NCOR2: variants seen among roughly 807,000 people sequenced by gnomAD.
The protein encoded by NCOR2 is nuclear receptor corepressor 2.
In NCOR2, 81 loss-of-function variants were observed where a neutral mutation model predicts 262.9. That is an observed-to-expected ratio of 0.31 (90% confidence interval 0.26 to 0.37). The LOEUF is 0.37. Among genes scored for constraint, NCOR2 ranks in the 10% least tolerant of loss-of-function variants. The pLI is 1.00. For synonymous variants in NCOR2, 1,659 were observed against 1,559.3 expected (o/e 1.06, Z -1.51); for missense variants, 3,385 against 3,621.4 (o/e 0.93, Z 1.68).
chr12:124,408,147 A>G lies in NCOR2; in HGVS notation c.1483-5586T>C, dbSNP rs1384779230. Reference sequence around the variant, plus strand: ...AGGCCGGCGGATCATGAGGTCAGGAAATCGAGACCATCCTGGCTAACACGG... The same window carrying G: ...AGGCCGGCGGATCATGAGGTCAGGAGATCGAGACCATCCTGGCTAACACGG... On this transcript the variant is annotated intron_variant, in intron 13 of 46. Coordinates refer to ENST00000405201, the Ensembl canonical transcript of NCOR2. 2.0e-5 allele frequency among the ~76,000 whole-genome samples: 3 copies of G among 152,024 alleles called. No individual in the cohort carries two copies. The East Asian group carries it at 5.8e-4, about 29-fold the overall frequency.
intron 4 of NCOR2, among the ~76,000 whole-genome samples, chr12:124,467,871 A>C (rs1283940763): frequency 2.1e-5 from 1 of 46,974 alleles, no homozygotes. Context: ...CATCACCCCC[A>C]TCACCCTCAT....
chr12:124,415,194 C>A (rs538272374), intron 13 of NCOR2, among the ~76,000 whole-genome samples: 3 of 152,218 alleles, frequency 2.0e-5, no homozygotes, highest in African/African-American at 7.2e-5. Flanking sequence ...TGCTCACAGC[C>A]TTGGCGCACT....
chr12:124,332,404 G>C, exon 43 of NCOR2: 3 of 1,614,186 alleles, frequency 1.9e-6, no homozygotes, highest in South Asian at 1.1e-5. Context: ...AGTTGCTCTC[G>C]GTCAGCTTGC....
chr12:124,562,908 C>A (rs925216821), intron 1 of NCOR2, among the ~76,000 whole-genome samples: 3 of 152,034 alleles, frequency 2.0e-5, no homozygotes, highest in Admixed American at 6.6e-5. Flanking sequence ...GTGTGTCCTG[C>A]GACACACAGG....
At chr12:124,438,083 C>T in intron 7 of NCOR2, 87 bp from the exon 10 acceptor site, 1 of 1,309,270 alleles carries the variant, frequency 7.6e-7, no homozygotes, top group Non-Finnish European at 1.1e-6. Flanking sequence ...AGAGTGAGCC[C>T]CAAATTTGCC....
rs148755035 is a variant in NCOR2 at position 124,479,519 on chromosome 12, G to A, written c.411+4077C>T. 3.6e-3 allele frequency among the ~76,000 whole-genome samples: 531 copies of A among 147,594 alleles called. 4 individuals are homozygous for A. Among genetic ancestry groups the A allele is most frequent in the African/African-American group, 0.013 (505 of 39,692 alleles). ...CATGCGCGCATACACACGCACATGC[G>A]CGCACACGCACACACACACCCGCAC... On this transcript the variant is annotated intron_variant, in intron 3 of 46. Coordinates refer to ENST00000405201, the Ensembl canonical transcript of NCOR2.
Position 124,548,252 on chromosome 12 carries a change from C to T in NCOR2, c.-164-12641G>A, listed in dbSNP as rs2001346. On this transcript the variant is annotated intron_variant, in intron 1 of 32. Transcript: ENST00000458234. The surrounding 1 kb of genome is among the most constrained non-coding windows in gnomAD (Gnocchi z 5.1). Reference sequence around the variant, plus strand: ...TTCCAGGTGGGGGGAACAACAAACGCGAAGGCCCAGAGGCAGATGCGGTCG... The same window carrying T: ...TTCCAGGTGGGGGGAACAACAAACGTGAAGGCCCAGAGGCAGATGCGGTCG... Among the ~76,000 whole-genome samples, 20,574 of 152,198 alleles carry T rather than the reference C, an allele frequency of 0.14. 1,531 individuals carry two copies. Among genetic ancestry groups the T allele is most frequent in the South Asian group, 0.18 (847 of 4,822 alleles).
At chr12:124,471,029 CG>C (rs2046805021) in intron 4 of NCOR2, among the ~76,000 whole-genome samples, 1 of 152,230 alleles carries the variant, frequency 6.6e-6, no homozygotes, top group Non-Finnish European at 1.5e-5. Context: ...CGCTGGGGCC[CG>C]GCCCCTCTCG....
chr12:124,512,576 TG>T (rs1381206838), intron 1 of NCOR2, among the ~76,000 whole-genome samples: 2 of 152,204 alleles, frequency 1.3e-5, no homozygotes, highest in Admixed American at 6.5e-5. Context: ...ACCTAACTCT[TG>T]GGGGTATCAC....
chr12:124,345,383 G>A (rs1199364497), intron 31 of NCOR2, among the ~76,000 whole-genome samples: 1 of 152,216 alleles, frequency 6.6e-6, no homozygotes, highest in African/African-American at 2.4e-5. Flanking sequence ...TACCCGCCCT[G>A]AGGCTTTCAG....
chr12:124,369,408 C>A (rs553941742), intron 20 of NCOR2, among the ~76,000 whole-genome samples: 3 of 152,130 alleles, frequency 2.0e-5, no homozygotes, highest in Non-Finnish European at 4.4e-5. Flanking sequence ...AGCTCCCCCA[C>A]TGGGGCTGCC....
Position 124,548,560 on chromosome 12 carries a change from G to A in NCOR2, c.-164-12949C>T, listed in dbSNP as rs1389413062. ...GATATGAAAACAGAGGGTCTCGATG[G>A]CAATGCTGTTCCCCCCCAAACATAG... On this transcript the variant is annotated intron_variant, in intron 1 of 32. Coordinates refer to the NCOR2 transcript ENST00000458234. The surrounding 1 kb of genome is among the most constrained non-coding windows in gnomAD (Gnocchi z 5.1). Among the ~76,000 whole-genome samples, 3 of 151,968 alleles carry A rather than the reference G, an allele frequency of 2.0e-5. No individual in the cohort carries two copies. The highest frequency in any genetic ancestry group is 2.9e-5 in the Non-Finnish European group (2 of 68,008).
At chr12:124,346,191 G>A (rs1328287346) in intron 31 of NCOR2, among the ~76,000 whole-genome samples, 4 of 152,192 alleles carry the variant, frequency 2.6e-5, no homozygotes, top group Non-Finnish European at 1.5e-5. Context: ...CATTGCTAGG[G>A]GGTGAAACAA....
At chr12:124,492,238 C>A (rs2048124345) in intron 1 of NCOR2, among the ~76,000 whole-genome samples, 1 of 152,204 alleles carries the variant, frequency 6.6e-6, no homozygotes, top group African/African-American at 2.4e-5. Flanking sequence ...GAGATGACTA[C>A]CCCGCGCTTG....
Position 124,483,820 on chromosome 12 carries a change from G to C in NCOR2, c.234-47C>G. 2.7e-6 allele frequency: 4 copies of C among 1,497,664 alleles called. No individual in the cohort carries two copies. Among genetic ancestry groups the C allele is most frequent in the Non-Finnish European group, 3.6e-6 (4 of 1,121,782 alleles). The allele number at this position is 1,497,664 out of a possible 1,614,324, so 92.8% of individuals were successfully genotyped here. Reference sequence around the variant, plus strand: ...ACGTCACATAGGAGATTGCGGCTCTGAGAACTCCCGAGGCCCCGACCACCC... The same window carrying C: ...ACGTCACATAGGAGATTGCGGCTCTCAGAACTCCCGAGGCCCCGACCACCC... On this transcript the variant is annotated intron_variant, in intron 2 of 46. Transcript: ENST00000405201. The surrounding 1 kb of genome is among the most constrained non-coding windows in gnomAD (Gnocchi z 6.3).
At chr12:124,529,158 G>A (rs117008182) in intron 1 of NCOR2, among the ~76,000 whole-genome samples, 5,283 of 106,508 alleles carry the variant, frequency 0.05, 137 homozygotes, top group East Asian at 0.14. Context: ...CAGCCTGCAC[G>A]ATAAGAGCGA....
intron 1 of NCOR2, among the ~76,000 whole-genome samples, chr12:124,560,392 A>G (rs1234535837): frequency 6.6e-6 from 1 of 152,248 alleles, no homozygotes; most frequent in East Asian, 1.9e-4. Context: ...ATGATTTCAC[A>G]TGTCATAAAA....
At chr12:124,506,344 C>T (rs982618651) in intron 1 of NCOR2, among the ~76,000 whole-genome samples, 4 of 151,780 alleles carry the variant, frequency 2.6e-5, no homozygotes, top group East Asian at 3.9e-4. Context: ...AGGGAAGTGG[C>T]GTTGGTCGGA....
rs1239509024 is a variant in NCOR2, at chr12:124,531,888, C to T, written c.-118+3677G>A. Among the ~76,000 whole-genome samples the T allele has an allele frequency of 1.3e-5, 2 of 151,796 alleles. No homozygotes were observed. The highest frequency in any genetic ancestry group is 2.9e-5 in the Non-Finnish European group (2 of 67,968). On this transcript the variant is annotated intron_variant, in intron 1 of 46. Transcript: ENST00000404621. This position sits in a 1 kb window ranked among gnomAD's most constrained non-coding sequence, Gnocchi z 4.5. The stretch of plus-strand genomic sequence containing the variant: ...ACAATCCCAGACACCCACCTCCCCA[C>T]CCCACTCCCAGCTGAAGAATCCACT...
Sources: gnomAD v4.1 joint callset for allele counts (sites outside exome capture counted in the v4.1 genomes callset) on GRCh38, gnomAD v4.1.1 for gene constraint, Gnocchi (gnomAD v3.1) non-coding constraint, MANE v1.5 for transcripts, NCBI Gene and HGNC (gene_info 2026-07-23, HGNC 2026-07-21) for gene names.